Variants in PREPL observed in about 807,000 individuals in gnomAD.
PREPL encodes prolyl endopeptidase like.
A neutral mutation model predicts 70.6 loss-of-function variants in PREPL; 77 were observed. That is an observed-to-expected ratio of 1.09 (90% CI 0.91 to 1.32). PREPL has a LOEUF of 1.32. Ranked by LOEUF, PREPL falls within the 40% of genes most tolerant of loss-of-function variation. PREPL has a pLI of 0.00. For missense variants in PREPL, 1,002 were observed against 778.2 expected (o/e 1.29, Z -3.42); for synonymous variants, 315 against 264.8 (o/e 1.19, Z -1.84).
intron 12 of PREPL, 85 bp from the exon 13 acceptor site, chr2:44,321,985 G>T: frequency 7.4e-7 from 1 of 1,352,218 alleles, no homozygotes; most frequent in South Asian, 1.4e-5. Flanking sequence ...CCTCTTCTTT[G>T]AGTACTCAGT....
chr2:44,335,452 C>A (rs945389124), intron 7 of PREPL, among the ~76,000 whole-genome samples: 2 of 152,158 alleles, frequency 1.3e-5, no homozygotes, highest in Non-Finnish European at 2.9e-5. Flanking sequence ...AGTTTCCCAA[C>A]TGAAGATGTC....
Position 44,343,747 on chromosome 2 carries a change from A to G in PREPL, c.347T>C (p.Phe116Ser), listed in dbSNP as rs1194746695. 6.2e-7 allele frequency: 1 copy of G among 1,612,858 alleles called. No individual in the cohort carries two copies. The highest frequency in any genetic ancestry group is 8.5e-7 in the Non-Finnish European group (1 of 1,178,852). ...MEASFPNVSS[F>S]EWVKDEEDED... ...GACTATTTTGGTTGGTGGCTTACCAAAACTGGACACATTCGGGAAAGAAGC... is the reference window on the plus strand; with the variant it reads ...GACTATTTTGGTTGGTGGCTTACCAGAACTGGACACATTCGGGAAAGAAGC... The change falls in exon 4 of 14, where the codon TTT becomes TCT. Residue 116 changes from phenylalanine to serine, a missense_variant and splice_region_variant. Physicochemically the swap from Phe to Ser is radical, Grantham distance 155. Coordinates refer to ENST00000409411, the MANE Select transcript of PREPL (RefSeq NM_001171613.2).
chr2:44,322,628 T>G, intron 12 of PREPL, 103 bp downstream of exon 12: 2 of 1,420,392 alleles, frequency 1.4e-6, no homozygotes, highest in Non-Finnish European at 1.9e-6. Context: ...CCCTAAATCC[T>G]GGGCAGATGA....
At position 44,318,412 on chromosome 2, in the gene PREPL, A is replaced by T. The variant is rs1054358807; in HGVS notation, c.*2944T>A. ...GGCCTGCAAAATTTGTTTTTAATAG[A>T]AGACACAAGAAATGATTTAAATATT... On this transcript the variant is annotated 3_prime_UTR_variant, in exon 14 of 14. Coordinates refer to ENST00000409411, the MANE Select transcript of PREPL (RefSeq NM_001171613.2). 3.8e-5 allele frequency: 7 copies of T among 181,996 alleles called. No homozygotes were observed. The highest frequency in any genetic ancestry group is 8.2e-5 in the Non-Finnish European group (7 of 84,946). 11.3% of individuals were successfully genotyped at this position (181,996 alleles called of 1,614,324 possible). A position where few individuals can be genotyped will look rare whatever the true frequency, so the allele number is the denominator to read the frequency against.
intron 6 of PREPL, 132 bp from the exon 7 acceptor site, chr2:44,338,668 C>T: frequency 1.3e-6 from 1 of 746,594 alleles, no homozygotes; most frequent in African/African-American, 1.8e-5. Context: ...ACTAACGCTG[C>T]ATCAGGGATA....
chr2:44,340,077 A>C (rs1365622003), intron 5 of PREPL, among the ~76,000 whole-genome samples: 1 of 152,018 alleles, frequency 6.6e-6, no homozygotes, highest in African/African-American at 2.4e-5. Flanking sequence ...TTCTTACTTC[A>C]TATATCAATT....
At chr2:44,343,659 TC>T in intron 4 of PREPL, 85 bp downstream of exon 4, 1 of 1,197,944 alleles carries the variant, frequency 8.3e-7, no homozygotes, top group Non-Finnish European at 1.2e-6. Flanking sequence ...ATTCACCTTC[TC>T]CCTCCCTCAC....
At chr2:44,358,615 A>G (rs1164908792) in intron 1 of PREPL, among the ~76,000 whole-genome samples, 1 of 152,150 alleles carries the variant, frequency 6.6e-6, no homozygotes, top group Non-Finnish European at 1.5e-5. Context: ...GAAAGGGGAC[A>G]CTATTAATAA....
intron 9 of PREPL, among the ~76,000 whole-genome samples, chr2:44,327,825 T>G (rs1204793656): frequency 6.6e-6 from 1 of 151,914 alleles, no homozygotes; most frequent in Non-Finnish European, 1.5e-5. Context: ...ATTGCGCCAC[T>G]GCACTCTAGC....
At position 44,330,496 on chromosome 2, in the gene PREPL, CAA is replaced by C. The variant is rs891093487; in HGVS notation, c.1087-1386_1087-1385del. ...AAAAGATAATACACTAAGTGGGTAA[CAA>C]TGATTATTTCTAAGAGGTGCAGCAA... On this transcript the variant is annotated intron_variant, in intron 8 of 13. Coordinates refer to ENST00000409411, the MANE Select transcript of PREPL (RefSeq NM_001171613.2). Among the ~76,000 whole-genome samples the C allele has an allele frequency of 3.5e-4, 54 of 152,138 alleles. 1 individual carries two copies. Among genetic ancestry groups the C allele is most frequent in the African/African-American group, 1.3e-3 (52 of 41,422 alleles).
chr2:44,327,205 C>A (rs568029380), intron 9 of PREPL, among the ~76,000 whole-genome samples: 4 of 152,280 alleles, frequency 2.6e-5, no homozygotes, highest in South Asian at 4.1e-4. Flanking sequence ...ATTTTGAGTG[C>A]CTGCCCATTT....
rs187556241 is a variant in PREPL at position 44,335,787 on chromosome 2, T to A, written c.888+2564A>T. On this transcript the variant is annotated intron_variant, in intron 7 of 13. Transcript: ENST00000409411. The stretch of plus-strand genomic sequence containing the variant: ...AATGGGAGAAAATATTTACAAACTA[T>A]GCATCTGACAAAGATCTAGTATCCA... Among the ~76,000 whole-genome samples, 11 of 150,186 alleles carry A rather than the reference T, an allele frequency of 7.3e-5. No homozygotes were observed. In the East Asian group the frequency reaches 2.1e-3, roughly 29 times the overall value.
chr2:44,323,173 C>T, intron 11 of PREPL, 89 bp downstream of exon 11: 1 of 1,268,792 alleles, frequency 7.9e-7, no homozygotes, highest in Non-Finnish European at 1.1e-6. Flanking sequence ...ATCTCTAAAG[C>T]TCCTATTTTT....
intron 7 of PREPL, among the ~76,000 whole-genome samples, chr2:44,333,967 C>A (rs79319385): frequency 3.3e-5 from 5 of 152,240 alleles, no homozygotes; most frequent in African/African-American, 4.8e-5. Context: ...ATGTGACCCA[C>A]GCAGTAAGCT....
At position 44,338,346 on chromosome 2, in the gene PREPL, C is replaced by T. The variant is rs1674853168; in HGVS notation, c.888+5G>A. The stretch of plus-strand genomic sequence containing the variant: ...ACAGTATTAACTTCTGAAAATTAAA[C>T]ATACCTTTAGAGACCGAACTGAATC... On this transcript the variant is annotated splice_donor_5th_base_variant and intron_variant, in intron 7 of 13. Transcript: ENST00000409411. 1 of 1,601,580 alleles carries T rather than the reference C, an allele frequency of 6.2e-7. No homozygotes were observed. The highest frequency in any genetic ancestry group is 1.3e-5 in the African/African-American group (1 of 74,156).
Position 44,334,901 on chromosome 2 carries a change from A to G in PREPL, c.889-2245T>C, listed in dbSNP as rs968655508. ...AAGATCTTTTAATCAAGTGCCCACCAGGCAGAGATACTGCATAAAGAAATA... is the reference window on the plus strand; with the variant it reads ...AAGATCTTTTAATCAAGTGCCCACCGGGCAGAGATACTGCATAAAGAAATA... On this transcript the variant is annotated intron_variant, in intron 7 of 13. Transcript: ENST00000409411. Among the ~76,000 whole-genome samples, 32 of 152,194 alleles carry G rather than the reference A, an allele frequency of 2.1e-4. 1 individual carries two copies. Among genetic ancestry groups the G allele is most frequent in the Non-Finnish European group, 7.4e-5 (5 of 68,026 alleles).
rs1328287773 is a variant in PREPL at position 44,360,733 on chromosome 2, T to C, written c.-49+647A>G. ...TAGGGTTGTTGTTGTAAAGACAAAATGAGACAGCTTAACATTAAGACCATA... is the reference window on the plus strand; with the variant it reads ...TAGGGTTGTTGTTGTAAAGACAAAACGAGACAGCTTAACATTAAGACCATA... On this transcript the variant is annotated intron_variant, in intron 1 of 13. Coordinates refer to ENST00000409411, the MANE Select transcript of PREPL (RefSeq NM_001171613.2). The C allele has an allele frequency of 2.0e-5, 3 of 152,288 alleles. No individual in the cohort carries two copies. In the South Asian group the frequency reaches 6.2e-4, roughly 32 times the overall value. The allele number at this position is 152,288 out of a possible 1,614,324, so 9.4% of individuals were successfully genotyped here.
intron 1 of PREPL, 54 bp from the exon 2 acceptor site, chr2:44,346,444 T>C (rs1675834951): frequency 8.2e-6 from 13 of 1,575,762 alleles, no homozygotes; most frequent in Non-Finnish European, 1.1e-5. Flanking sequence ...AAAAAAACTT[T>C]TGCTTTTTAA....
At chr2:44,332,246 G>A (rs1674189574) in intron 8 of PREPL, among the ~76,000 whole-genome samples, 1 of 152,010 alleles carries the variant, frequency 6.6e-6, no homozygotes, top group Non-Finnish European at 1.5e-5. Context: ...GTGCCCGGCC[G>A]ACATGCTATA....
Sources: allele counts gnomAD v4.1 joint callset (sites outside exome capture counted in the v4.1 genomes callset), GRCh38; gene constraint gnomAD v4.1.1; transcripts MANE v1.5; gene names NCBI Gene and HGNC (gene_info 2026-07-23, HGNC 2026-07-21).